Variants in ACSL3 observed in about 807,000 individuals in gnomAD.
ACSL3 encodes fatty acid CoA ligase Acsl3.
A neutral mutation model predicts 84.7 loss-of-function variants in ACSL3; 34 were observed. The observed-to-expected ratio is 0.40, with a 90% confidence interval of 0.31 to 0.53. The LOEUF (loss-of-function observed/expected upper bound fraction) is 0.53. Ranked by LOEUF, ACSL3 falls within the 20% of genes least tolerant of loss-of-function variation. The pLI is 0.48. For missense variants in ACSL3, 680 were observed against 873.1 expected, an observed-to-expected ratio of 0.78 and a Z score of 2.79; for synonymous variants, 315 against 299.4, an observed-to-expected ratio of 1.05 and a Z score of -0.54.
chr2:222,907,597 CAA>C (rs1696325135), intron 3 of ACSL3, among the ~76,000 whole-genome samples: 1 of 151,612 alleles, frequency 6.6e-6, no homozygotes, highest in Non-Finnish European at 1.5e-5. Context: ...CCTGTCTCTA[CAA>C]AAAAAATTTT....
chr2:222,928,924 A>C lies in ACSL3; in HGVS notation c.1528A>C (p.Asn510His). The change falls in exon 13 of 17, where the codon AAC (asparagine) becomes CAC (histidine). Residue 510 changes from asparagine (N) to histidine (H), a missense_variant. By Grantham distance (68) the Asn-to-His change is moderately conservative. Coordinates refer to ENST00000357430, the MANE Select transcript of ACSL3 (RefSeq NM_004457.5). Reference protein sequence around the residue: ...PLVCCEIKLKNWEEGGYFNTD... With the variant: ...PLVCCEIKLKHWEEGGYFNTD... ...AGTTTGCTGTGAAATCAAATTAAAAAACTGGGAGGAAGGTAATAAACTATT... is the reference window on the plus strand; with the variant it reads ...AGTTTGCTGTGAAATCAAATTAAAACACTGGGAGGAAGGTAATAAACTATT... The C allele has an allele frequency of 6.2e-7, 1 of 1,613,506 alleles. No individual in the cohort carries two copies. The highest frequency in any genetic ancestry group is 8.5e-7 in the Non-Finnish European group (1 of 1,179,528).
intron 7 of ACSL3, among the ~76,000 whole-genome samples, chr2:222,919,786 G>T (rs984603753): frequency 6.6e-6 from 1 of 152,238 alleles, no homozygotes; most frequent in Non-Finnish European, 1.5e-5. Context: ...GTAATTAGAT[G>T]TAAGCATTCA....
chr2:222,888,890 C>T (rs1574528828), intron 2 of ACSL3, among the ~76,000 whole-genome samples: 1 of 152,142 alleles, frequency 6.6e-6, no homozygotes, highest in South Asian at 2.1e-4. Context: ...TTGTTTTAGA[C>T]ATGTCTGTGC....
intron 4 of ACSL3, among the ~76,000 whole-genome samples, chr2:222,912,319 C>T (rs746454271): frequency 6.6e-6 from 1 of 152,080 alleles, no homozygotes; most frequent in South Asian, 2.1e-4. Context: ...TTTTCGTTTT[C>T]CCCTCTCTTG....
chr2:222,911,920 T>A (rs540523893), intron 4 of ACSL3, among the ~76,000 whole-genome samples: 5 of 152,246 alleles, frequency 3.3e-5, no homozygotes, highest in Non-Finnish European at 5.9e-5. Flanking sequence ...TAGCAACTTT[T>A]TCTGTCTATA....
intron 15 of ACSL3, among the ~76,000 whole-genome samples, chr2:222,934,250 G>A (rs1476137036): frequency 2.0e-5 from 3 of 152,164 alleles, no homozygotes; most frequent in African/African-American, 7.2e-5. Context: ...CTTTTAAAAT[G>A]TGTACATGGC....
At chr2:222,868,188 C>T (rs1398882761) in intron 1 of ACSL3, among the ~76,000 whole-genome samples, 1 of 152,040 alleles carries the variant, frequency 6.6e-6, no homozygotes, top group Non-Finnish European at 1.5e-5. Flanking sequence ...ATATTTTCCT[C>T]TAAATGTAGT....
At chr2:222,893,782 C>T (rs1357838071) in intron 2 of ACSL3, among the ~76,000 whole-genome samples, 1 of 151,950 alleles carries the variant, frequency 6.6e-6, no homozygotes, top group African/African-American at 2.4e-5. Context: ...CCCCATCCCT[C>T]CTCTGCCTCT....
At chr2:222,924,903 G>A (rs914523084) in intron 11 of ACSL3, among the ~76,000 whole-genome samples, 4 of 152,138 alleles carry the variant, frequency 2.6e-5, no homozygotes, top group East Asian at 1.9e-4. Context: ...GCGGGCGCCT[G>A]TAATCCCAGC....
In ACSL3 at chr2:222,866,753, GCCCCCCCCCCCCCCCCC is replaced by G. The variant is rs1237425837; in HGVS notation, c.-207+5503_-207+5519del. Among the ~76,000 whole-genome samples, 6 of 18,706 alleles carry G rather than the reference GCCCCCCCCCCCCCCCCC, an allele frequency of 3.2e-4. No individual in the cohort carries two copies. In the South Asian group the frequency reaches 0.017, roughly 53 times the overall value. The allele number at this position is 18,706 out of a possible 152,430, so 12.3% of individuals were successfully genotyped here. The stretch of plus-strand genomic sequence containing the variant: ...CAAATAAAACTGCCCTGCCCCCCCC[GCCCCCCCCCCCCCCCCC>G]CCCCCCCGCCCCGGGGAAATCATAA... On this transcript the variant is annotated intron_variant, in intron 1 of 16. Transcript: ENST00000357430.
chr2:222,937,623 C>G lies in ACSL3; in HGVS notation c.2005+2936C>G, dbSNP rs181533703. 5.7e-4 allele frequency among the ~76,000 whole-genome samples: 87 copies of G among 152,018 alleles called. 1 individual carries two copies. The highest frequency in any genetic ancestry group is 9.6e-4 in the Non-Finnish European group (65 of 67,950). On this transcript the variant is annotated intron_variant, in intron 16 of 16. Coordinates refer to ENST00000357430, the MANE Select transcript of ACSL3 (RefSeq NM_004457.5). ...TCTGTTTTATTTAAGTATGGCCATC[C>G]CCTTTAGGTTCTTATTTTCATGGAA...
intron 6 of ACSL3, 59 bp downstream of exon 6, chr2:222,918,214 C>A: frequency 1.8e-6 from 2 of 1,103,120 alleles, no homozygotes; most frequent in Non-Finnish European, 2.7e-6. Flanking sequence ...GTGTCATGAG[C>A]CCTATTATTG....
At chr2:222,923,055 G>C in intron 9 of ACSL3, 23 bp from the exon 10 acceptor site, 1 of 1,581,210 alleles carries the variant, frequency 6.3e-7, no homozygotes, top group Non-Finnish European at 8.7e-7. Flanking sequence ...ACTTTATATG[G>C]ATCACTTTTT....
At chr2:222,863,513 A>G (rs542451273) in intron 1 of ACSL3, among the ~76,000 whole-genome samples, 2 of 152,338 alleles carry the variant, frequency 1.3e-5, no homozygotes, top group Admixed American at 1.3e-4. Context: ...CTTAAAGCTT[A>G]AATAGTCCTC....
At chr2:222,900,972 T>C (rs560747677) in intron 3 of ACSL3, among the ~76,000 whole-genome samples, 192 bp downstream of exon 3, 1 of 152,332 alleles carries the variant, frequency 6.6e-6, no homozygotes, top group South Asian at 2.1e-4. Flanking sequence ...GGTTTATTTT[T>C]TGTTGCTTGA....
chr2:222,927,652 G>A (rs1696917945), intron 12 of ACSL3, among the ~76,000 whole-genome samples: 1 of 152,200 alleles, frequency 6.6e-6, no homozygotes, highest in South Asian at 2.1e-4. Flanking sequence ...TATTACCAGA[G>A]TTTATCATGT....
intron 1 of ACSL3, among the ~76,000 whole-genome samples, chr2:222,876,404 C>T (rs1574519248): frequency 6.6e-6 from 1 of 152,152 alleles, no homozygotes; most frequent in Non-Finnish European, 1.5e-5. Flanking sequence ...TCACTGCAGC[C>T]TCAACTTCCC....
intron 16 of ACSL3, among the ~76,000 whole-genome samples, chr2:222,935,905 A>G (rs1697157901): frequency 6.6e-6 from 1 of 152,108 alleles, no homozygotes; most frequent in Non-Finnish European, 1.5e-5. Context: ...GAGACACTAT[A>G]CCCATTACAC....
At chr2:222,925,170 CTACTAAAAT>C (rs1234385390) in intron 11 of ACSL3, among the ~76,000 whole-genome samples, 1 of 151,972 alleles carries the variant, frequency 6.6e-6, no homozygotes, top group Non-Finnish European at 1.5e-5. Flanking sequence ...AACCACATCT[CTACTAAAAT>C]TACAAAAATT....
Sources: allele counts gnomAD v4.1 joint callset (sites outside exome capture counted in the v4.1 genomes callset), GRCh38; gene constraint gnomAD v4.1.1; transcripts MANE v1.5; gene names NCBI Gene and HGNC (gene_info 2026-07-23, HGNC 2026-07-21).